GPR137C: variants seen among roughly 807,000 people sequenced by gnomAD.
GPR137C encodes integral membrane protein GPR137C.
Under a neutral mutation model 43.4 loss-of-function variants are expected in GPR137C, and 27 were observed. That is an observed-to-expected ratio of 0.62 (90% CI 0.46 to 0.86). GPR137C has a LOEUF of 0.86. Among genes scored for constraint, GPR137C ranks in the 40% least tolerant of loss-of-function variants. The pLI is 0.00. For synonymous variants in GPR137C, 285 were observed against 226.9 expected, an observed-to-expected ratio of 1.26 and a Z score of -2.30; for missense variants, 522 against 534.6, an observed-to-expected ratio of 0.98 and a Z score of 0.23.
chr14:52,576,324 G>A (rs910258127), intron 1 of GPR137C, among the ~76,000 whole-genome samples: 3 of 152,170 alleles, frequency 2.0e-5, no homozygotes, highest in Non-Finnish European at 4.4e-5. Context: ...TAGCTGAGTA[G>A]CATTCCATGG....
In GPR137C at chr14:52,553,217, GGCGGGGGCA is replaced by G. The variant is rs1429166190; in HGVS notation, c.75_83del (p.Ser27_Gly29del). 7.9e-7 allele frequency: 1 copy of G among 1,268,752 alleles called. No individual in the cohort carries two copies. The allele number at this position is 1,268,752 out of a possible 1,614,324, so 78.6% of individuals were successfully genotyped here. On this transcript the variant is annotated inframe_deletion, in exon 1 of 7. Coordinates refer to ENST00000321662, the MANE Select transcript of GPR137C (RefSeq NM_001099652.2). The stretch of plus-strand genomic sequence containing the variant: ...AGCCGGCCGCGAGCCCTCCACGCCC[GGCGGGGGCA>G]GCGGAGGCGGAGGCGCCGTCGCTGC...
intron 3 of GPR137C, chr14:52,612,236 G>A: frequency 6.1e-6 from 6 of 977,986 alleles, no homozygotes; most frequent in Non-Finnish European, 7.3e-6. Flanking sequence ...AACTGTATTT[G>A]GAACTCAGTG....
chr14:52,621,217 C>T (rs2039157259), intron 3 of GPR137C, among the ~76,000 whole-genome samples: 1 of 151,806 alleles, frequency 6.6e-6, no homozygotes, highest in Non-Finnish European at 1.5e-5. Context: ...TGATGACTCA[C>T]TTCTCATCAG....
intron 4 of GPR137C, 113 bp downstream of exon 4, chr14:52,632,422 T>A: frequency 2.8e-6 from 2 of 726,560 alleles, no homozygotes; most frequent in Non-Finnish European, 4.5e-6. Flanking sequence ...CTCTGTCTAC[T>A]GTCAGTAATC....
intron 3 of GPR137C, among the ~76,000 whole-genome samples, chr14:52,625,799 C>A (rs191870522): frequency 4.3e-4 from 66 of 151,914 alleles, no homozygotes; most frequent in Non-Finnish European, 6.2e-4. Flanking sequence ...TGTGATCCAC[C>A]TACCTCGGCC....
At chr14:52,620,929 C>T (rs1429436872) in intron 3 of GPR137C, among the ~76,000 whole-genome samples, 1 of 151,650 alleles carries the variant, frequency 6.6e-6, no homozygotes, top group Non-Finnish European at 1.5e-5. Context: ...GCTCAGGAGT[C>T]TAATTATGTG....
chr14:52,626,873 CAA>C (rs1046059956), intron 3 of GPR137C, among the ~76,000 whole-genome samples: 1 of 150,978 alleles, frequency 6.6e-6, no homozygotes, highest in African/African-American at 2.4e-5. Context: ...AATAGTAGCT[CAA>C]AAAAAAGATA....
chr14:52,589,675 C>T (rs2038756997), intron 1 of GPR137C, among the ~76,000 whole-genome samples: 1 of 152,154 alleles, frequency 6.6e-6, no homozygotes, highest in Non-Finnish European at 1.5e-5. Context: ...AAAATACAGT[C>T]AGGCACCGCA....
chr14:52,590,654 A>G (rs1328232136), intron 1 of GPR137C, among the ~76,000 whole-genome samples: 32 of 152,164 alleles, frequency 2.1e-4, no homozygotes. Flanking sequence ...AATACTTACC[A>G]TCGTGTTATA....
chr14:52,574,427 A>G (rs926843396), intron 1 of GPR137C, among the ~76,000 whole-genome samples: 1 of 152,184 alleles, frequency 6.6e-6, no homozygotes, highest in East Asian at 1.9e-4. Flanking sequence ...AGGGACATGG[A>G]TGAAGCTGGA....
intron 6 of GPR137C, 140 bp from the exon 7 acceptor site, chr14:52,634,798 G>A: frequency 1.4e-6 from 1 of 690,072 alleles, no homozygotes; most frequent in South Asian, 2.0e-5. Flanking sequence ...AAAGCATTTT[G>A]TTATTTGACA....
At position 52,637,165 on chromosome 14, in the gene GPR137C, T is replaced by C. The variant is rs2039362188; in HGVS notation, c.*2050T>C. 1 of 152,178 alleles carries C rather than the reference T, an allele frequency of 6.6e-6. No individual in the cohort carries two copies. Among genetic ancestry groups the C allele is most frequent in the African/African-American group, 2.4e-5 (1 of 41,462 alleles). 9.4% of individuals were successfully genotyped at this position (152,178 alleles called of 1,614,324 possible). Reference sequence around the variant, plus strand: ...AGTTTATTCTTATCACTGACTAGGGTACCCAAATTCTTGCATTTGTCTCCT... The same window carrying C: ...AGTTTATTCTTATCACTGACTAGGGCACCCAAATTCTTGCATTTGTCTCCT... On this transcript the variant is annotated 3_prime_UTR_variant, in exon 7 of 7. Transcript: ENST00000321662.
At chr14:52,596,699 A>C (rs575601191) in intron 1 of GPR137C, among the ~76,000 whole-genome samples, 1 of 152,272 alleles carries the variant, frequency 6.6e-6, no homozygotes, top group African/African-American at 2.4e-5. Context: ...TTTGGACGAG[A>C]GTGTACCATT....
chr14:52,579,251 G>A (rs1333904909), intron 1 of GPR137C, among the ~76,000 whole-genome samples: 1 of 152,184 alleles, frequency 6.6e-6, no homozygotes, highest in Admixed American at 6.5e-5. Flanking sequence ...ACTATCAACT[G>A]TGCCTGGCAT....
chr14:52,598,027 A>C (rs1005210753), intron 1 of GPR137C, among the ~76,000 whole-genome samples: 19 of 152,308 alleles, frequency 1.2e-4, no homozygotes, highest in African/African-American at 4.6e-4. Context: ...AAACTGAATT[A>C]ATTCTGTTTA....
In GPR137C at chr14:52,632,269, A is replaced by G. The variant is rs897804306; in HGVS notation, c.827A>G (p.Glu276Gly). 4 of 1,611,448 alleles carry G rather than the reference A, an allele frequency of 2.5e-6. No individual in the cohort carries two copies. The highest frequency in any genetic ancestry group is 3.3e-5 in the Admixed American group (2 of 59,926). The change falls in exon 4 of 7, where the codon GAA (glutamate) becomes GGA (glycine). Residue 276 changes from glutamate (E) to glycine (G), a missense_variant. Physicochemically the swap from Glu to Gly is moderately conservative, Grantham distance 98. Transcript: ENST00000321662. ...GTCACCATATCTCAGGATACATTAG[A>G]AAGTCCATTTAATTATGGCTGGGAT... ...VVVTISQDTL[E>G]SPFNYGWDNL...
chr14:52,624,660 G>T (rs1294847269), intron 3 of GPR137C, among the ~76,000 whole-genome samples: 1 of 150,734 alleles, frequency 6.6e-6, no homozygotes, highest in African/African-American at 2.4e-5. Context: ...GGAGGCAGAG[G>T]TTGCAGTGAG....
At chr14:52,589,683 G>A (rs1038706504) in intron 1 of GPR137C, among the ~76,000 whole-genome samples, 4 of 152,102 alleles carry the variant, frequency 2.6e-5, no homozygotes, top group East Asian at 1.9e-4. Context: ...GTCAGGCACC[G>A]CATAACAACG....
At chr14:52,617,391 G>A (rs527409728) in intron 3 of GPR137C, among the ~76,000 whole-genome samples, 1 of 151,692 alleles carries the variant, frequency 6.6e-6, no homozygotes, top group South Asian at 2.1e-4. Context: ...TTAAAAGATG[G>A]AAACTGGCCG....
Sources: gnomAD v4.1 joint callset for allele counts (sites outside exome capture counted in the v4.1 genomes callset) on GRCh38, gnomAD v4.1.1 for gene constraint, MANE v1.5 for transcripts, NCBI Gene and HGNC (gene_info 2026-07-23, HGNC 2026-07-21) for gene names.